OTOF: variants seen among roughly 807,000 people sequenced by gnomAD.
OTOF encodes fer-1-like family member 2.
In OTOF, 218 loss-of-function variants were observed where a neutral mutation model predicts 236.8. That is an observed-to-expected ratio of 0.92 (90% confidence interval 0.82 to 1.03). The LOEUF (loss-of-function observed/expected upper bound fraction) is 1.03, where lower values mean the gene tolerates loss of function less well. Ranked by LOEUF, OTOF falls within the 50% of genes least tolerant of loss-of-function variation. The pLI, the probability that OTOF is intolerant of heterozygous loss-of-function variation, is 0.00. For synonymous variants in OTOF, 1,041 were observed against 1,072.5 expected, an observed-to-expected ratio of 0.97 and a Z score of 0.57; for missense variants, 2,590 against 2,694.4, an observed-to-expected ratio of 0.96 and a Z score of 0.86.
At chr2:26,535,747 A>G (rs1462717010) in intron 2 of OTOF, among the ~76,000 whole-genome samples, 1 of 152,110 alleles carries the variant, frequency 6.6e-6, no homozygotes, top group Non-Finnish European at 1.5e-5. Context: ...GGATATCTCA[A>G]GCCCGGCCTG....
At chr2:26,479,214 G>T in intron 18 of OTOF, 50 bp downstream of exon 18, 1 of 1,603,456 alleles carries the variant, frequency 6.2e-7, no homozygotes. Context: ...CTCTGACAGC[G>T]CCGTCTCCCC....
chr2:26,475,197 T>C (rs114185661), intron 25 of OTOF, among the ~76,000 whole-genome samples, 162 bp downstream of exon 25: 2,242 of 151,994 alleles, frequency 0.015, 20 homozygotes, highest in Non-Finnish European at 0.02. Context: ...CAGGAGGAGC[T>C]AGATGTCAGC....
At chr2:26,548,117 T>C (rs1198620677) in intron 1 of OTOF, among the ~76,000 whole-genome samples, 1 of 152,240 alleles carries the variant, frequency 6.6e-6, no homozygotes, top group Non-Finnish European at 1.5e-5. Context: ...TGTAATGATA[T>C]TCCCTCTTTT....
intron 1 of OTOF, among the ~76,000 whole-genome samples, chr2:26,546,783 GTTGTT>G (rs1667344781): frequency 6.9e-6 from 1 of 145,388 alleles, no homozygotes; most frequent in African/African-American, 2.5e-5. Flanking sequence ...AGCATTTTGT[GTTGTT>G]TTGTTTTTAG....
At position 26,476,331 on chromosome 2, in the gene OTOF, T is replaced by C; in HGVS notation, c.2677-14A>G. The C allele has an allele frequency of 6.3e-7, 1 of 1,599,862 alleles. No individual in the cohort carries two copies. Among genetic ancestry groups the C allele is most frequent in the Non-Finnish European group, 8.5e-7 (1 of 1,179,318 alleles). ...CTTCCCTGGCAGCTGGGGGTGGGCATGGGGTCACCAGGAGCCTGACGGCTG... is the reference window on the plus strand; with the variant it reads ...CTTCCCTGGCAGCTGGGGGTGGGCACGGGGTCACCAGGAGCCTGACGGCTG... On this transcript the variant is annotated splice_polypyrimidine_tract_variant and intron_variant, in intron 22 of 46. Transcript: ENST00000272371.
chr2:26,459,389 A>C (rs1224966237), intron 46 of OTOF, among the ~76,000 whole-genome samples: 1 of 152,080 alleles, frequency 6.6e-6, no homozygotes, highest in East Asian at 1.9e-4. Flanking sequence ...CGTCTCTACT[A>C]AAAATACAAA....
chr2:26,478,040 C>T, intron 18 of OTOF: 13 of 1,435,830 alleles, frequency 9.1e-6, no homozygotes, highest in South Asian at 1.5e-5. Context: ...GCAGAACTCA[C>T]GGCTACGGGG....
intron 34 of OTOF, 56 bp downstream of exon 34, chr2:26,467,309 C>A (rs567742654): frequency 6.2e-7 from 1 of 1,613,652 alleles, no homozygotes; most frequent in East Asian, 2.2e-5. Context: ...AGGATCACTG[C>A]GCCCCCCTCT....
Position 26,480,789 on chromosome 2 carries a change from C to A in OTOF, c.1800G>T (p.Ser600=). 1 of 1,611,466 alleles carries A rather than the reference C, an allele frequency of 6.2e-7. No individual in the cohort carries two copies. Residue 600 remains serine, a synonymous_variant, in exon 15 of 47, where the codon TCG becomes TCT. Coordinates refer to ENST00000272371, the MANE Select transcript of OTOF (RefSeq NM_194248.3). ...AGCACAGTGCCTGGGGTCTCACCTC[C>A]GAGATGGGCGTGGCCTGCTCCACCT... ...EVQVEQATPI[S]ESCAGKMEEF...
rs546950613 is a variant in OTOF at position 26,523,906 on chromosome 2, G to A, written c.227+3926C>T. Among the ~76,000 whole-genome samples the A allele has an allele frequency of 2.6e-5, 4 of 152,330 alleles. No homozygotes were observed. In the South Asian group the frequency reaches 8.3e-4, roughly 32 times the overall value. On this transcript the variant is annotated intron_variant, in intron 3 of 46. Coordinates refer to ENST00000272371, the MANE Select transcript of OTOF (RefSeq NM_194248.3). ...CCTGGCCCAGGCAAATGCCAGGATG[G>A]GGAGACTTGAGTCTCACATCATTCC...
chr2:26,552,446 T>G (rs903446525), intron 1 of OTOF, among the ~76,000 whole-genome samples: 1 of 152,188 alleles, frequency 6.6e-6, no homozygotes, highest in Non-Finnish European at 1.5e-5. Context: ...TCGGTAAAAG[T>G]GGCTAAGATA....
In OTOF at chr2:26,476,055, C is replaced by T. The variant is rs371676027; in HGVS notation, c.2867-17G>A. On this transcript the variant is annotated splice_polypyrimidine_tract_variant and intron_variant, in intron 23 of 46. Coordinates refer to ENST00000272371, the MANE Select transcript of OTOF (RefSeq NM_194248.3). ...CCTGCTTCTCTGTGGGGAAGGGCAG[C>T]CTGAGGTTCCAGGATGGGCAGCCCC... is the stretch of plus-strand genomic sequence containing the variant. 1 of 1,612,268 alleles carries T rather than the reference C, an allele frequency of 6.2e-7. No homozygotes were observed. Among genetic ancestry groups the T allele is most frequent in the African/African-American group, 1.3e-5 (1 of 74,902 alleles).
In OTOF at chr2:26,532,270, C is replaced by T. The variant is rs1343185816; in HGVS notation, c.139-4350G>A. On this transcript the variant is annotated intron_variant, in intron 2 of 46. Transcript: ENST00000272371. ...TGGAGAGGCGAGAGTTGCCCGCGGGCACAAGGCTGGTTGGTGGCAGAGGCA... is the reference window on the plus strand; with the variant it reads ...TGGAGAGGCGAGAGTTGCCCGCGGGTACAAGGCTGGTTGGTGGCAGAGGCA... Among the ~76,000 whole-genome samples, 5 of 152,040 alleles carry T rather than the reference C, an allele frequency of 3.3e-5. 1 individual carries two copies. The highest frequency in any genetic ancestry group is 4.8e-5 in the African/African-American group (2 of 41,364).
At position 26,477,557 on chromosome 2, in the gene OTOF, G is replaced by A; in HGVS notation, c.2316-51C>T. On this transcript the variant is annotated intron_variant, in intron 19 of 46. Transcript: ENST00000272371. The surrounding 1 kb of genome is among the most constrained non-coding windows in gnomAD (Gnocchi z 4.7). ...AGCGAGCCTGACCAGCAGGGGCTCT[G>A]TAGATTCTTCCTCATCTGCCCAGCC... 6.3e-7 allele frequency: 1 copy of A among 1,594,678 alleles called. No homozygotes were observed. The highest frequency in any genetic ancestry group is 2.3e-5 in the East Asian group (1 of 44,274).
At chr2:26,503,101 GGGCCAGTA>G (rs1264382268) in intron 6 of OTOF, among the ~76,000 whole-genome samples, 1 of 152,220 alleles carries the variant, frequency 6.6e-6, no homozygotes, top group Non-Finnish European at 1.5e-5. Flanking sequence ...GAGAGCCTGA[GGGCCAGTA>G]GGCCACAGAG....
At chr2:26,474,789 AT>A in intron 25 of OTOF, 115 bp from the exon 26 acceptor site, 1 of 1,176,088 alleles carries the variant, frequency 8.5e-7, no homozygotes, top group Non-Finnish European at 1.3e-6. Flanking sequence ...TGATCACCCC[AT>A]TTTACAGATG....
At position 26,516,570 on chromosome 2, in the gene OTOF, C is replaced by T; in HGVS notation, c.357G>A (p.Gln119=). The T allele has an allele frequency of 6.2e-7, 1 of 1,609,404 alleles. No individual in the cohort carries two copies. Among genetic ancestry groups the T allele is most frequent in the East Asian group, 2.2e-5 (1 of 44,864 alleles). ...KTSLCVEVRY[Q]ATDGTVGSWD... ...AGGAGCCCACTGTGCCGTCAGTGGC[C>T]TGATACCGGACCTCCACGCACAGGC... The change falls in exon 5 of 47, where the codon CAG becomes CAA. Residue 119 remains glutamine (Q), a synonymous_variant. Coordinates refer to ENST00000272371, the MANE Select transcript of OTOF (RefSeq NM_194248.3).
At position 26,480,842 on chromosome 2, in the gene OTOF, G is replaced by C. The variant is rs756894987; in HGVS notation, c.1747C>G (p.Pro583Ala). The change falls in exon 15 of 47, where the codon CCT (proline) becomes GCT (alanine). Residue 583 changes from proline to alanine, a missense_variant. Pro to Ala is a conservative substitution (Grantham distance 27, BLOSUM62 -1). This residue lies in a region of OTOF where 1,379 missense variants were observed against 1,341.6 expected (regional missense o/e 1.03). Transcript: ENST00000272371. The stretch of plus-strand genomic sequence containing the variant: ...ACCTCTGTGGAGCTGGTGAGCTCAG[G>C]GTTGGAGGTGTCTACGATCTCCACA... ...LAVEIVDTSN[P>A]ELTSSTEVQV... 1.9e-4 allele frequency: 299 copies of C among 1,612,754 alleles called. No individual in the cohort carries two copies. The highest frequency in any genetic ancestry group is 2.4e-4 in the Non-Finnish European group (285 of 1,179,974).
At position 26,465,045 on chromosome 2, in the gene OTOF, C is replaced by A. The variant is rs762404140; in HGVS notation, c.4800-16G>T. On this transcript the variant is annotated splice_polypyrimidine_tract_variant and intron_variant, in intron 38 of 46. Transcript: ENST00000272371. ...GTAGCCATGTCTGTGGGAGGGGACA[C>A]ACAGGCTTGGAGGGGCTGGGTGGGA... The A allele has an allele frequency of 6.8e-7, 1 of 1,465,264 alleles. No individual in the cohort carries two copies. Among genetic ancestry groups the A allele is most frequent in the Admixed American group, 2.3e-5 (1 of 44,250 alleles). 90.8% of individuals were successfully genotyped at this position (1,465,264 alleles called of 1,614,324 possible). A position where few individuals can be genotyped will look rare whatever the true frequency, so the allele number is the denominator to read the frequency against.
Sources: allele counts gnomAD v4.1 joint callset (sites outside exome capture counted in the v4.1 genomes callset), GRCh38; gene constraint gnomAD v4.1.1; regional missense constraint gnomAD v4.1.1; non-coding constraint Gnocchi (gnomAD v3.1); transcripts MANE v1.5; gene names NCBI Gene and HGNC (gene_info 2026-07-23, HGNC 2026-07-21).